The following MAGI2 variants were observed in gnomAD, a reference collection of about 807,000 sequenced individuals.
MAGI2 encodes membrane-associated guanylate kinase, WW and PDZ domain-containing protein 2.
A neutral mutation model predicts 133.3 loss-of-function variants in MAGI2; 35 were observed. The observed-to-expected ratio is 0.26, with a 90% CI of 0.20 to 0.35. The LOEUF (loss-of-function observed/expected upper bound fraction) is 0.35. MAGI2 is among the 10% of genes least tolerant of loss of function. The pLI is 1.00. For synonymous variants in MAGI2, 729 were observed against 710.6 expected (o/e 1.03, Z -0.41); for missense variants, 1,636 against 1,863.4 (o/e 0.88, Z 2.25).
chr7:78,963,683 G>A (rs943770454), intron 2 of MAGI2, among the ~76,000 whole-genome samples: 4 of 151,684 alleles, frequency 2.6e-5, no homozygotes, highest in Admixed American at 1.3e-4. Context: ...TGAAAGCTTG[G>A]CTTAATGCAA....
At chr7:78,894,456 T>G (rs954767542) in intron 2 of MAGI2, among the ~76,000 whole-genome samples, 3 of 152,052 alleles carry the variant, frequency 2.0e-5, no homozygotes, top group Admixed American at 2.0e-4. Flanking sequence ...GGGCCCAGGA[T>G]TAAAAAATAA....
rs150040819 is a variant in MAGI2 at position 79,315,939 on chromosome 7, C to T, written c.301+137081G>A. On this transcript the variant is annotated intron_variant, in intron 1 of 21. Transcript: ENST00000354212. ...AGTTGGACCATTCCAGTGTAGGAGGCAGGTCAAGGCTGAGAAGCTACTAAA... is the reference window on the plus strand; with the variant it reads ...AGTTGGACCATTCCAGTGTAGGAGGTAGGTCAAGGCTGAGAAGCTACTAAA... 2.2e-4 allele frequency among the ~76,000 whole-genome samples: 34 copies of T among 152,186 alleles called. No individual in the cohort carries two copies. The East Asian group carries it at 6.0e-3, about 27-fold the overall frequency.
chr7:78,869,335 T>C (rs370721464), intron 2 of MAGI2, among the ~76,000 whole-genome samples: 12 of 152,332 alleles, frequency 7.9e-5, no homozygotes, highest in African/African-American at 2.9e-4. Flanking sequence ...AATGTTATCT[T>C]CTAGAATTTT....
chr7:78,694,499 G>C (rs554547342), intron 2 of MAGI2, among the ~76,000 whole-genome samples: 54 of 152,260 alleles, frequency 3.5e-4, no homozygotes, highest in Non-Finnish European at 7.8e-4. Context: ...GAGAAACTGA[G>C]TTAGCAGTAC....
chr7:78,586,420 C>T (rs534373481), intron 3 of MAGI2, among the ~76,000 whole-genome samples: 145 of 150,602 alleles, frequency 9.6e-4, no homozygotes, highest in African/African-American at 3.3e-3. Context: ...AACTGTGATT[C>T]TCTCCCTATG....
intron 1 of MAGI2, among the ~76,000 whole-genome samples, chr7:79,172,059 T>C (rs1825674939): frequency 6.6e-6 from 1 of 151,800 alleles, no homozygotes; most frequent in African/African-American, 2.4e-5. Context: ...TATTCAAAAC[T>C]GTGATTCTTG....
intron 20 of MAGI2, among the ~76,000 whole-genome samples, chr7:78,087,433 T>A (rs76662834): frequency 0.14 from 21,515 of 152,186 alleles, 1,580 homozygotes; most frequent in South Asian, 0.18. Flanking sequence ...ACAAATGTAA[T>A]CTATTATTAA....
intron 1 of MAGI2, among the ~76,000 whole-genome samples, chr7:79,379,166 G>A (rs1013641214): frequency 6.8e-6 from 1 of 146,266 alleles, no homozygotes; most frequent in Non-Finnish European, 1.5e-5. Flanking sequence ...CTGTGTCCAA[G>A]TGTTCTCATT....
chr7:78,872,554 T>G (rs186587067), intron 2 of MAGI2, among the ~76,000 whole-genome samples: 1 of 151,610 alleles, frequency 6.6e-6, no homozygotes, highest in Non-Finnish European at 1.5e-5. Context: ...TAATACTGAA[T>G]AGTAAAATAT....
At chr7:78,181,400 A>G (rs1379932574) in intron 13 of MAGI2, among the ~76,000 whole-genome samples, 5 of 151,432 alleles carry the variant, frequency 3.3e-5, no homozygotes, top group Non-Finnish European at 7.4e-5. Flanking sequence ...TCCCTTCTTT[A>G]TTTTTTCTGT....
intron 2 of MAGI2, among the ~76,000 whole-genome samples, chr7:78,841,000 A>C (rs76552524): frequency 1.4e-3 from 220 of 152,114 alleles, no homozygotes; most frequent in African/African-American, 5.2e-3. Context: ...TTTCTCCTAC[A>C]TTTTCAACTT....
At chr7:79,035,225 G>A (rs368121880) in intron 1 of MAGI2, among the ~76,000 whole-genome samples, 2 of 151,804 alleles carry the variant, frequency 1.3e-5, no homozygotes, top group African/African-American at 2.4e-5. Context: ...GGGGGCAGGG[G>A]GGGTGGTGGG....
intron 1 of MAGI2, among the ~76,000 whole-genome samples, chr7:79,342,654 T>C (rs1226443637): frequency 3.9e-5 from 6 of 152,200 alleles, no homozygotes; most frequent in Non-Finnish European, 8.8e-5. Context: ...TTTGCTTTTC[T>C]TAGGTTACTT....
At chr7:78,265,483 G>A (rs1036492351) in intron 9 of MAGI2, among the ~76,000 whole-genome samples, 1 of 152,138 alleles carries the variant, frequency 6.6e-6, no homozygotes, top group Non-Finnish European at 1.5e-5. Context: ...TAAACAAAAA[G>A]TAGCAAACAT....
chr7:78,062,692 G>T (rs1362251433), intron 21 of MAGI2, among the ~76,000 whole-genome samples: 3 of 152,150 alleles, frequency 2.0e-5, no homozygotes, highest in Non-Finnish European at 4.4e-5. Flanking sequence ...CCCCACTTAT[G>T]GCTCCAAGTC....
intron 2 of MAGI2, among the ~76,000 whole-genome samples, chr7:78,656,486 A>G (rs1270184994): frequency 6.6e-6 from 1 of 152,160 alleles, no homozygotes; most frequent in Non-Finnish European, 1.5e-5. Context: ...AGTCTAATAC[A>G]CAGAAACAGA....
chr7:78,955,604 G>T (rs977367233), intron 2 of MAGI2, among the ~76,000 whole-genome samples: 21 of 151,522 alleles, frequency 1.4e-4, no homozygotes, highest in African/African-American at 4.1e-4. Context: ...AACCAAAATT[G>T]CTTCCCTCCC....
In MAGI2 at chr7:78,991,787, A is replaced by G. The variant is rs1562760003; in HGVS notation, c.418+15303T>C. ...TTTCTCAGTCTAAAAGTTTTGCTCA[A>G]AGATGCTGGAGACTTCAAACCTTTT... On this transcript the variant is annotated intron_variant, in intron 2 of 21. Transcript: ENST00000354212. Among the ~76,000 whole-genome samples the G allele has an allele frequency of 2.0e-5, 3 of 151,988 alleles. 1 individual carries two copies. The South Asian group carries it at 6.2e-4, about 31-fold the overall frequency.
chr7:78,372,558 A>AG (rs1394445783), intron 6 of MAGI2, among the ~76,000 whole-genome samples: 6 of 152,302 alleles, frequency 3.9e-5, no homozygotes, highest in Admixed American at 6.5e-5. Flanking sequence ...ATGATGCAAC[A>AG]GGAAAAAATA....
Sources: gnomAD v4.1 joint callset for allele counts (sites outside exome capture counted in the v4.1 genomes callset) on GRCh38, gnomAD v4.1.1 for gene constraint, MANE v1.5 for transcripts, NCBI Gene and HGNC (gene_info 2026-07-23, HGNC 2026-07-21) for gene names.